Variants in CHD2 observed in about 807,000 individuals in gnomAD.
The protein encoded by CHD2 is chromodomain helicase DNA binding protein 2.
A neutral mutation model predicts 243.9 loss-of-function variants in CHD2; 28 were observed. The observed-to-expected ratio is 0.11, with a 90% CI of 0.09 to 0.16. CHD2 has a LOEUF of 0.16. Among genes scored for constraint, CHD2 ranks in the 10% least tolerant of loss-of-function variants. The pLI is 1.00. For synonymous variants in CHD2, 775 were observed against 779.0 expected, an observed-to-expected ratio of 0.99 and a Z score of 0.09; for missense variants, 1,386 against 2,209.8, an observed-to-expected ratio of 0.63 and a Z score of 7.47.
intron 12 of CHD2, chr15:92,946,738 T>G (rs2053474990): frequency 6.6e-6 from 1 of 152,422 alleles, no homozygotes; most frequent in Admixed American, 6.5e-5. Flanking sequence ...TCCACCCACC[T>G]TGGCCTCCCA....
rs1328542105 is a variant in CHD2 at position 92,997,201 on chromosome 15, A to G, written c.3735-52A>G. 16 of 1,609,892 alleles carry G rather than the reference A, an allele frequency of 9.9e-6. No individual in the cohort carries two copies. Among genetic ancestry groups the G allele is most frequent in the Non-Finnish European group, 1.3e-5 (15 of 1,178,666 alleles). On this transcript the variant is annotated intron_variant, in intron 29 of 38. Coordinates refer to ENST00000394196, the MANE Select transcript of CHD2 (RefSeq NM_001271.4). The surrounding 1 kb of genome is among the most constrained non-coding windows in gnomAD (Gnocchi z 4.1). ...GTATTTTTACTGTCTCTTCTTTAAC[A>G]TACCAAAAAGGCCCCTCTTCTAATG...
intron 4 of CHD2, among the ~76,000 whole-genome samples, chr15:92,927,999 G>A (rs776906417): frequency 1.1e-4 from 17 of 152,268 alleles, no homozygotes; most frequent in African/African-American, 4.1e-4. Context: ...TTATAGACTA[G>A]ATCCTGAAGA....
chr15:92,933,121 C>G (rs2053204867), intron 5 of CHD2, among the ~76,000 whole-genome samples: 1 of 151,536 alleles, frequency 6.6e-6, no homozygotes, highest in Non-Finnish European at 1.5e-5. Flanking sequence ...CTCACTGCAA[C>G]CTTGAACTCC....
intron 5 of CHD2, among the ~76,000 whole-genome samples, chr15:92,930,140 C>T (rs1054768930): frequency 6.6e-6 from 1 of 152,172 alleles, no homozygotes; most frequent in Non-Finnish European, 1.5e-5. Context: ...GCCCCAGTCT[C>T]CTGGTCTGCT....
intron 33 of CHD2, 24 bp downstream of exon 33, chr15:93,002,341 C>G: frequency 6.3e-7 from 1 of 1,581,896 alleles, no homozygotes; most frequent in Non-Finnish European, 8.5e-7. Flanking sequence ...TCTGTTCATG[C>G]AGATATCCAC....
intron 17 of CHD2, among the ~76,000 whole-genome samples, chr15:92,969,498 A>G (rs1378760391): frequency 6.6e-6 from 1 of 152,202 alleles, no homozygotes; most frequent in Non-Finnish European, 1.5e-5. Flanking sequence ...AGTCTGAAGG[A>G]TCCTCAGAAG....
At chr15:92,922,672 T>C (rs953856660) in intron 2 of CHD2, among the ~76,000 whole-genome samples, 1 of 152,198 alleles carries the variant, frequency 6.6e-6, no homozygotes, top group Non-Finnish European at 1.5e-5. Context: ...TTTCTGTTAA[T>C]GTTACTGTAG....
intron 37 of CHD2, among the ~76,000 whole-genome samples, chr15:93,017,909 A>G (rs2054484509): frequency 1.3e-5 from 2 of 152,294 alleles, no homozygotes; most frequent in South Asian, 2.1e-4. Flanking sequence ...TGTGTTTTGT[A>G]TACGATGTCA....
rs749312420 is a variant in CHD2, at chr15:93,006,375, T to G, written c.4413+1624T>G. Among the ~76,000 whole-genome samples, 25 of 152,252 alleles carry G rather than the reference T, an allele frequency of 1.6e-4. No individual in the cohort carries two copies. In the Middle Eastern group the frequency reaches 0.01, roughly 62 times the overall value. On this transcript the variant is annotated intron_variant, in intron 34 of 38. Transcript: ENST00000394196. ...CTCCTGACCTCATGATCTGCCCACC[T>G]CAGCCTCCTAAAATGCTGGGATTAC...
At chr15:92,912,819 G>A (rs1404193850) in intron 2 of CHD2, among the ~76,000 whole-genome samples, 1 of 152,206 alleles carries the variant, frequency 6.6e-6, no homozygotes, top group Non-Finnish European at 1.5e-5. Context: ...CAAAGTGCTG[G>A]GATTACAGGC....
At chr15:92,915,379 A>C (rs1476247017) in intron 2 of CHD2, among the ~76,000 whole-genome samples, 1 of 151,830 alleles carries the variant, frequency 6.6e-6, no homozygotes. Flanking sequence ...GGTTCACGCC[A>C]TTCTGCTGCC....
At chr15:92,959,914 C>T (rs1029655564) in intron 16 of CHD2, among the ~76,000 whole-genome samples, 4 of 152,132 alleles carry the variant, frequency 2.6e-5, no homozygotes, top group Non-Finnish European at 4.4e-5. Flanking sequence ...TTAATTTCTG[C>T]AAGAAAAATA....
chr15:92,974,710 A>G, intron 19 of CHD2, 169 bp from the exon 20 acceptor site: 1 of 546,164 alleles, frequency 1.8e-6, no homozygotes, highest in Non-Finnish European at 3.3e-6. Context: ...CAGGTCGAGT[A>G]GGGTAGGGTG....
intron 16 of CHD2, among the ~76,000 whole-genome samples, chr15:92,963,738 C>T (rs759262475): frequency 4.6e-5 from 7 of 152,042 alleles, no homozygotes; most frequent in Middle Eastern, 3.2e-3. Flanking sequence ...AGTAGATAGA[C>T]GAAGATCAAT....
rs762703910 is a variant in CHD2, at chr15:93,000,645, G to A, written c.4137+5G>A. 13 of 1,608,216 alleles carry A rather than the reference G, an allele frequency of 8.1e-6. No individual in the cohort carries two copies. Among genetic ancestry groups the A allele is most frequent in the Non-Finnish European group, 1.1e-5 (13 of 1,177,722 alleles). On this transcript the variant is annotated splice_donor_5th_base_variant and intron_variant, in intron 32 of 38. Coordinates refer to ENST00000394196, the MANE Select transcript of CHD2 (RefSeq NM_001271.4). ...TCAGAAGAGGGAGAAGTGAAAGTAT[G>A]AAGTGGGGTTTCGGTTGAGGGTTAT...
intron 3 of CHD2, among the ~76,000 whole-genome samples, chr15:92,926,969 T>G (rs1268106713): frequency 2.7e-5 from 3 of 112,056 alleles, no homozygotes; most frequent in Admixed American, 2.2e-4. Flanking sequence ...CTGTCTTACC[T>G]TTCTGTATTA....
Position 93,019,987 on chromosome 15 carries a change from C to T in CHD2, c.4907-25C>T. 3.1e-6 allele frequency: 5 copies of T among 1,598,374 alleles called. 1 individual carries two copies. Among genetic ancestry groups the T allele is most frequent in the Non-Finnish European group, 4.3e-6 (5 of 1,170,046 alleles). On this transcript the variant is annotated intron_variant, in intron 37 of 38. Coordinates refer to ENST00000394196, the MANE Select transcript of CHD2 (RefSeq NM_001271.4). ...AAATTCATCCATTTCTTGCAGTCAT[C>T]AGATCATTCTTTCTTTTCCTGCAGA... is the stretch of plus-strand genomic sequence containing the variant.
At chr15:92,974,596 C>T (rs903810677) in intron 19 of CHD2, 1 of 301,342 alleles carries the variant, frequency 3.3e-6, no homozygotes, top group Non-Finnish European at 6.3e-6. Context: ...GTTGGGTTTT[C>T]GTCTTTCTCC....
chr15:92,942,733 A>G, intron 8 of CHD2, 110 bp from the exon 9 acceptor site: 1 of 724,480 alleles, frequency 1.4e-6, no homozygotes, highest in Non-Finnish European at 2.2e-6. Flanking sequence ...AAGTTGAAGT[A>G]TTTTGGTGCT....
Sources: allele counts gnomAD v4.1 joint callset (sites outside exome capture counted in the v4.1 genomes callset), GRCh38; gene constraint gnomAD v4.1.1; non-coding constraint Gnocchi (gnomAD v3.1); transcripts MANE v1.5; gene names NCBI Gene and HGNC (gene_info 2026-07-23, HGNC 2026-07-21).